The following CEP112 variants were observed in gnomAD, a reference collection of about 807,000 sequenced individuals.
CEP112 encodes centrosomal protein of 112 kDa.
CEP112 carries 127 observed loss-of-function variants against 153.0 expected under a neutral mutation model. The observed-to-expected ratio is 0.83, with a 90% CI of 0.72 to 0.96. CEP112 has a LOEUF of 0.96. Among genes scored for constraint, CEP112 ranks in the 40% least tolerant of loss-of-function variants. The pLI, the probability that CEP112 is intolerant of heterozygous loss-of-function variation, is 0.00. For synonymous variants in CEP112, 358 were observed against 374.4 expected (o/e 0.96, Z 0.51); for missense variants, 1,089 against 1,101.2 (o/e 0.99, Z 0.16).
chr17:65,958,756 G>C (rs1418193806), intron 18 of CEP112, among the ~76,000 whole-genome samples: 1 of 152,152 alleles, frequency 6.6e-6, no homozygotes, highest in African/African-American at 2.4e-5. Context: ...TAAGGGGATG[G>C]GTCCCTAGTG....
intron 20 of CEP112, among the ~76,000 whole-genome samples, chr17:65,859,887 G>A (rs1308255841): frequency 6.7e-6 from 1 of 150,264 alleles, no homozygotes; most frequent in East Asian, 2.0e-4. Context: ...TGGGTGTGGT[G>A]GCGGGCGCCT....
At chr17:65,922,091 C>A (rs1217465280) in intron 19 of CEP112, among the ~76,000 whole-genome samples, 2 of 152,110 alleles carry the variant, frequency 1.3e-5, no homozygotes, top group Non-Finnish European at 2.9e-5. Context: ...TGTAATGCCA[C>A]TAGCATGTAT....
chr17:66,043,615 T>C (rs890294119), intron 12 of CEP112, among the ~76,000 whole-genome samples: 2 of 152,196 alleles, frequency 1.3e-5, no homozygotes, highest in African/African-American at 4.8e-5. Context: ...GTCTAAACCC[T>C]AATGTCAATA....
At chr17:65,912,746 T>A (rs959062792) in intron 19 of CEP112, among the ~76,000 whole-genome samples, 1 of 152,194 alleles carries the variant, frequency 6.6e-6, no homozygotes, top group East Asian at 1.9e-4. Flanking sequence ...CAAAATTATA[T>A]TGATCATCAA....
intron 23 of CEP112, among the ~76,000 whole-genome samples, chr17:65,713,890 C>T (rs943795567): frequency 3.3e-5 from 5 of 152,016 alleles, no homozygotes; most frequent in African/African-American, 7.3e-5. Context: ...GCCCAGCCGT[C>T]GATTGACTTT....
At chr17:65,979,177 G>A (rs2063139638) in intron 17 of CEP112, among the ~76,000 whole-genome samples, 1 of 151,558 alleles carries the variant, frequency 6.6e-6, no homozygotes, top group African/African-American at 2.4e-5. Flanking sequence ...ACTTAAGAGA[G>A]CTATTTTTAA....
At chr17:65,962,096 G>A (rs1183038094) in intron 17 of CEP112, among the ~76,000 whole-genome samples, 2 of 152,170 alleles carry the variant, frequency 1.3e-5, no homozygotes, top group Non-Finnish European at 2.9e-5. Context: ...TAGTTGCTAG[G>A]GTCTGAGAGG....
At chr17:65,712,171 T>C (rs899089421) in intron 23 of CEP112, among the ~76,000 whole-genome samples, 40 of 152,122 alleles carry the variant, frequency 2.6e-4, no homozygotes, top group Non-Finnish European at 1.2e-4. Context: ...CCACCCTCTG[T>C]TCATTTAATG....
At chr17:65,974,451 T>C (rs1381231637) in intron 17 of CEP112, among the ~76,000 whole-genome samples, 1 of 152,174 alleles carries the variant, frequency 6.6e-6, no homozygotes, top group East Asian at 1.9e-4. Context: ...AATTTGCCAC[T>C]ACATAACAAT....
At chr17:65,777,616 T>A (rs542364193) in intron 21 of CEP112, among the ~76,000 whole-genome samples, 2 of 152,304 alleles carry the variant, frequency 1.3e-5, no homozygotes, top group East Asian at 3.9e-4. Context: ...TCAATATGTG[T>A]CTAGTGGTTG....
intron 1 of CEP112, among the ~76,000 whole-genome samples, chr17:66,189,431 G>A (rs970009947): frequency 1.3e-5 from 2 of 151,784 alleles, no homozygotes; most frequent in Non-Finnish European, 2.9e-5. Context: ...TTGAACCCGG[G>A]AGGCGGAGTT....
chr17:65,755,196 G>A (rs556236919), intron 21 of CEP112, among the ~76,000 whole-genome samples: 3 of 152,320 alleles, frequency 2.0e-5, no homozygotes, highest in Non-Finnish European at 2.9e-5. Context: ...TCTGCAGGGT[G>A]TACGGGAAGC....
chr17:65,664,301 G>A (rs2046568973), intron 24 of CEP112, among the ~76,000 whole-genome samples: 1 of 152,150 alleles, frequency 6.6e-6, no homozygotes, highest in African/African-American at 2.4e-5. Flanking sequence ...TGTGAGAGCT[G>A]AGCACCCACA....
intron 24 of CEP112, among the ~76,000 whole-genome samples, chr17:65,683,557 G>C (rs1408307637): frequency 1.3e-5 from 2 of 152,204 alleles, no homozygotes; most frequent in African/African-American, 4.8e-5. Flanking sequence ...CGGCTCCCCG[G>C]AGGGCTGCAA....
chr17:65,858,179 G>A (rs545531690), intron 20 of CEP112, among the ~76,000 whole-genome samples: 10 of 151,980 alleles, frequency 6.6e-5, no homozygotes, highest in Non-Finnish European at 1.3e-4. Flanking sequence ...TTCTCTTCTT[G>A]TACCAGTCAT....
chr17:65,958,588 C>G (rs1313065795), intron 18 of CEP112, among the ~76,000 whole-genome samples: 1 of 46,662 alleles, frequency 2.1e-5, no homozygotes, highest in African/African-American at 6.3e-5. Context: ...TGCCAGCCCC[C>G]TGCTGCCTCA....
At chr17:65,689,087 G>C (rs2047964547) in intron 24 of CEP112, 42 bp downstream of exon 24, 1 of 1,421,738 alleles carries the variant, frequency 7.0e-7, no homozygotes, top group Non-Finnish European at 9.9e-7. Flanking sequence ...TCTTGACCTA[G>C]AGAAAGTAAA....
chr17:66,118,678 A>G (rs142176123), intron 6 of CEP112, among the ~76,000 whole-genome samples: 11 of 152,338 alleles, frequency 7.2e-5, no homozygotes, highest in African/African-American at 2.6e-4. Context: ...ATAGTTAACA[A>G]TAACTTACTG....
intron 17 of CEP112, among the ~76,000 whole-genome samples, chr17:65,995,181 G>A (rs1456305921): frequency 8.3e-6 from 1 of 121,112 alleles, no homozygotes; most frequent in African/African-American, 3.1e-5. Context: ...GGTGGGGGGT[G>A]GGGAGGCAAG....
Sources: gnomAD v4.1 joint callset for allele counts (sites outside exome capture counted in the v4.1 genomes callset) on GRCh38, gnomAD v4.1.1 for gene constraint, MANE v1.5 for transcripts, NCBI Gene and HGNC (gene_info 2026-07-23, HGNC 2026-07-21) for gene names.